DPYSL2: variants seen among roughly 807,000 people sequenced by gnomAD.
The protein encoded by DPYSL2 is dihydropyrimidinase-related protein 2.
Under a neutral mutation model 69.9 loss-of-function variants are expected in DPYSL2, and 13 were observed. The observed-to-expected ratio is 0.19, with a 90% confidence interval of 0.12 to 0.30. The LOEUF (loss-of-function observed/expected upper bound fraction) is 0.30, where lower values mean the gene tolerates loss of function less well. Among genes scored for constraint, DPYSL2 ranks in the 10% least tolerant of loss-of-function variants. The pLI, the probability that DPYSL2 is intolerant of heterozygous loss-of-function variation, is 1.00. For missense variants in DPYSL2, 587 were observed against 918.9 expected (o/e 0.64, Z 4.67); for synonymous variants, 326 against 359.1 (o/e 0.91, Z 1.04).
At chr8:26,581,100 A>G (rs1051452130) in intron 1 of DPYSL2, among the ~76,000 whole-genome samples, 18 of 152,180 alleles carry the variant, frequency 1.2e-4, no homozygotes, top group African/African-American at 4.1e-4. Context: ...AATGGCATCA[A>G]TGGCGTATTT....
chr8:26,633,223 G>A (rs1374706670), intron 7 of DPYSL2, among the ~76,000 whole-genome samples: 1 of 152,222 alleles, frequency 6.6e-6, no homozygotes, highest in Non-Finnish European at 1.5e-5. Flanking sequence ...GGCAGGGCAT[G>A]GAAGATACTA....
At chr8:26,561,595 C>T (rs1464133125) in intron 1 of DPYSL2, among the ~76,000 whole-genome samples, 3 of 151,936 alleles carry the variant, frequency 2.0e-5, no homozygotes, top group Admixed American at 1.3e-4. Flanking sequence ...GTCTTTCTTA[C>T]ATCCATTAAT....
rs1489125398 is a variant in DPYSL2 at position 26,516,513 on chromosome 8, T to C, written c.354+1834T>C. ...GGTTGAAAGTGGCCCACCCCTATCA[T>C]GAATTAGAACTCAAGTTTGAAAGGC... is the stretch of plus-strand genomic sequence containing the variant. On this transcript the variant is annotated intron_variant, in intron 1 of 13. Coordinates refer to ENST00000521913, the MANE Select transcript of DPYSL2 (RefSeq NM_001197293.3). This position sits in a 1 kb window ranked among gnomAD's most constrained non-coding sequence, Gnocchi z 4.8. Among the ~76,000 whole-genome samples the C allele has an allele frequency of 2.6e-5, 4 of 152,178 alleles. No homozygotes were observed. Among genetic ancestry groups the C allele is most frequent in the Admixed American group, 2.6e-4 (4 of 15,270 alleles).
intron 11 of DPYSL2, among the ~76,000 whole-genome samples, chr8:26,649,709 G>A (rs904077048): frequency 2.0e-5 from 3 of 152,148 alleles, no homozygotes; most frequent in Admixed American, 6.5e-5. Context: ...AACTATTATC[G>A]ACAGCCCTGT....
rs1390638075 is a variant in DPYSL2, at chr8:26,622,362, T to C, written c.629-1781T>C. Among the ~76,000 whole-genome samples the C allele has an allele frequency of 1.3e-5, 2 of 151,972 alleles. 1 individual carries two copies. The highest frequency in any genetic ancestry group is 4.8e-5 in the African/African-American group (2 of 41,356). On this transcript the variant is annotated intron_variant, in intron 3 of 13. Coordinates refer to ENST00000521913, the MANE Select transcript of DPYSL2 (RefSeq NM_001197293.3). ...ATCTGTATTACAGATACCAGATATG[T>C]GTGTACCCATTTATTTACTAATCAC...
chr8:26,568,346 C>T (rs902306431), intron 1 of DPYSL2, among the ~76,000 whole-genome samples: 3 of 152,110 alleles, frequency 2.0e-5, no homozygotes, highest in African/African-American at 7.2e-5. Context: ...CTTTCTACAG[C>T]GTTGTACTAC....
At position 26,580,650 on chromosome 8, in the gene DPYSL2, T is replaced by A. The variant is rs1460433218; in HGVS notation, c.355-1319T>A. ...GCTCTCTAGTAGCTTATCTCTTTTT[T>A]AAAGATTTTCTATGATTTCCTTTTC... is the stretch of plus-strand genomic sequence containing the variant. On this transcript the variant is annotated intron_variant, in intron 1 of 13. Transcript: ENST00000521913. This position sits in a 1 kb window ranked among gnomAD's most constrained non-coding sequence, Gnocchi z 4.1. Among the ~76,000 whole-genome samples the A allele has an allele frequency of 6.6e-6, 1 of 152,260 alleles. No homozygotes were observed. Among genetic ancestry groups the A allele is most frequent in the Non-Finnish European group, 1.5e-5 (1 of 68,044 alleles).
At chr8:26,639,573 C>T (rs117502522) in intron 8 of DPYSL2, among the ~76,000 whole-genome samples, 4 of 152,198 alleles carry the variant, frequency 2.6e-5, no homozygotes, top group African/African-American at 9.6e-5. Flanking sequence ...ACTTTTGATT[C>T]ATTCATGTGG....
chr8:26,537,851 T>C (rs1800620501), intron 1 of DPYSL2, among the ~76,000 whole-genome samples: 1 of 152,188 alleles, frequency 6.6e-6, no homozygotes, highest in South Asian at 2.1e-4. Context: ...CTTTAGTAGG[T>C]CCAACATTCA....
At chr8:26,594,868 A>G (rs1033213556) in intron 3 of DPYSL2, among the ~76,000 whole-genome samples, 12 of 152,138 alleles carry the variant, frequency 7.9e-5, no homozygotes, top group Non-Finnish European at 1.6e-4. Context: ...ACATAGCAGG[A>G]AAAACAACGA....
rs1208345500 is a variant in DPYSL2, at chr8:26,598,138, G to T, written c.628+14155G>T. On this transcript the variant is annotated intron_variant, in intron 3 of 13. Transcript: ENST00000521913. This position sits in a 1 kb window ranked among gnomAD's most constrained non-coding sequence, Gnocchi z 4.2. ...CAGGGCTTGGACAAATTACATGTATGGGGGAGTAGCCCCTTCACCCCAGTT... is the reference window on the plus strand; with the variant it reads ...CAGGGCTTGGACAAATTACATGTATTGGGGAGTAGCCCCTTCACCCCAGTT... 6.6e-6 allele frequency among the ~76,000 whole-genome samples: 1 copy of T among 152,110 alleles called. No homozygotes were observed. The highest frequency in any genetic ancestry group is 2.4e-5 in the African/African-American group (1 of 41,410).
In DPYSL2 at chr8:26,624,411, G is replaced by A. The variant is rs1802572377; in HGVS notation, c.793+104G>A. The A allele has an allele frequency of 7.0e-7, 1 of 1,420,638 alleles. No individual in the cohort carries two copies. The highest frequency in any genetic ancestry group is 9.6e-7 in the Non-Finnish European group (1 of 1,038,356). 88.0% of individuals were successfully genotyped at this position (1,420,638 alleles called of 1,614,324 possible). A position where few individuals can be genotyped will look rare whatever the true frequency, so the allele number is the denominator to read the frequency against. ...GATAATGCTTCCAGATCCCATTTGT[G>A]CCTCATGCCCATGCCTGCCCCTGGG... On this transcript the variant is annotated intron_variant, in intron 4 of 13. Coordinates refer to ENST00000521913, the MANE Select transcript of DPYSL2 (RefSeq NM_001197293.3). The surrounding 1 kb of genome is among the most constrained non-coding windows in gnomAD (Gnocchi z 4.7).
chr8:26,518,615 T>A (rs1585484689), intron 1 of DPYSL2, among the ~76,000 whole-genome samples: 1 of 152,110 alleles, frequency 6.6e-6, no homozygotes, highest in African/African-American at 2.4e-5. Flanking sequence ...TTCCACCTCT[T>A]CCCAGCCCCT....
At chr8:26,518,426 C>A (rs1808329264) in intron 1 of DPYSL2, among the ~76,000 whole-genome samples, 1 of 152,188 alleles carries the variant, frequency 6.6e-6, no homozygotes, top group Non-Finnish European at 1.5e-5. Context: ...GGTTATTGAA[C>A]TAATCATATA....
rs891944205 is a variant in DPYSL2, at chr8:26,620,691, T to A, written c.629-3452T>A. ...ATTTTTTAAAGTCATCATGAATCAA[T>A]AGAAGGAAAGGATTATTCAGTAACT... On this transcript the variant is annotated intron_variant, in intron 3 of 13. Coordinates refer to ENST00000521913, the MANE Select transcript of DPYSL2 (RefSeq NM_001197293.3). The surrounding 1 kb of genome is among the most constrained non-coding windows in gnomAD (Gnocchi z 4.5). 1.3e-5 allele frequency among the ~76,000 whole-genome samples: 2 copies of A among 152,194 alleles called. No individual in the cohort carries two copies. The highest frequency in any genetic ancestry group is 2.9e-5 in the Non-Finnish European group (2 of 68,028).
intron 1 of DPYSL2, chr8:26,548,054 C>T (rs562638790): frequency 4.0e-5 from 10 of 252,806 alleles, no homozygotes; most frequent in Non-Finnish European, 8.1e-5. Context: ...TTCTGGTGAT[C>T]ACATGGATCC....
chr8:26,655,599 TCTC>T lies in DPYSL2; in HGVS notation c.1943-12_1943-10del, dbSNP rs767354916. 8.8e-6 allele frequency: 14 copies of T among 1,593,510 alleles called. No individual in the cohort carries two copies. The highest frequency in any genetic ancestry group is 6.8e-5 in the East Asian group (3 of 44,248). ...CCTGGCCCCTCACCCGCTCCTCTCT[TCTC>T]CTCTCCCTCCAGGTGCTCAGATTGA... On this transcript the variant is annotated splice_polypyrimidine_tract_variant and intron_variant, in intron 13 of 13. Coordinates refer to ENST00000521913, the MANE Select transcript of DPYSL2 (RefSeq NM_001197293.3).
chr8:26,645,699 G>A (rs1803147929), intron 10 of DPYSL2, among the ~76,000 whole-genome samples: 1 of 151,892 alleles, frequency 6.6e-6, no homozygotes, highest in African/African-American at 2.4e-5. Context: ...ACAGGCGTGT[G>A]CCACCACACC....
intron 8 of DPYSL2, chr8:26,637,737 A>G (rs1290625038): frequency 6.6e-6 from 1 of 152,246 alleles, no homozygotes; most frequent in African/African-American, 2.4e-5. Flanking sequence ...GCTCCACTGT[A>G]CACCAGCCAC....
Sources: gnomAD v4.1 joint callset for allele counts (sites outside exome capture counted in the v4.1 genomes callset) on GRCh38, gnomAD v4.1.1 for gene constraint, Gnocchi (gnomAD v3.1) non-coding constraint, MANE v1.5 for transcripts, NCBI Gene and HGNC (gene_info 2026-07-23, HGNC 2026-07-21) for gene names.